The following CDCA2 variants were observed in gnomAD, a reference collection of about 807,000 sequenced individuals.
The protein encoded by CDCA2 is cell division cycle-associated protein 2.
In CDCA2, 44 loss-of-function variants were observed where a neutral mutation model predicts 67.0. That is an observed-to-expected ratio of 0.66 (90% CI 0.52 to 0.84). CDCA2 has a LOEUF of 0.84. Among genes scored for constraint, CDCA2 ranks in the 40% least tolerant of loss-of-function variants. CDCA2 has a pLI of 0.00. For missense variants in CDCA2, 1,253 were observed against 1,203.2 expected, an observed-to-expected ratio of 1.04 and a Z score of -0.61; for synonymous variants, 447 against 418.7, an observed-to-expected ratio of 1.07 and a Z score of -0.82.
intron 13 of CDCA2, among the ~76,000 whole-genome samples, chr8:25,490,538 C>T (rs553952625): frequency 2.6e-5 from 4 of 152,110 alleles, no homozygotes; most frequent in South Asian, 4.2e-4. Context: ...AGCTGGGAGC[C>T]GGCCTGTTCA....
chr8:25,507,578 C>G lies in CDCA2; in HGVS notation c.2912C>G (p.Pro971Arg). Residue 971 changes from proline to arginine, a missense_variant, in exon 15 of 15, where the codon CCT becomes CGT. Transcript: ENST00000330560. ...CCTGCTGCTGGTTCTTCCGATGAAC[C>G]TGGTAAGAGGAGGAAGAGCTTTTGT... The part of the protein sequence containing the change: ...QGPAAGSSDE[P>R]GKRRKSFCIS... The G allele has an allele frequency of 6.2e-7, 1 of 1,614,162 alleles. No homozygotes were observed. Among genetic ancestry groups the G allele is most frequent in the Non-Finnish European group, 8.5e-7 (1 of 1,180,034 alleles).
At chr8:25,504,526 C>T (rs1387825919) in intron 14 of CDCA2, among the ~76,000 whole-genome samples, 2 of 152,100 alleles carry the variant, frequency 1.3e-5, no homozygotes, top group Non-Finnish European at 2.9e-5. Flanking sequence ...TTATAGCCTA[C>T]CTCCTATTTG....
At chr8:25,488,475 A>G (rs1290076954) in intron 12 of CDCA2, 77 bp from the exon 13 acceptor site, 17 of 1,357,130 alleles carry the variant, frequency 1.3e-5, no homozygotes, top group Non-Finnish European at 1.6e-5. Context: ...CCTGGGAAGC[A>G]CAACAAGAGT....
At chr8:25,466,436 A>G (rs1160625747) in intron 5 of CDCA2, 111 bp downstream of exon 5, 1 of 948,156 alleles carries the variant, frequency 1.1e-6, no homozygotes, top group Admixed American at 3.9e-5. Flanking sequence ...AGGTATATTT[A>G]TAAAGTGAGA....
rs956787756 is a variant in CDCA2 at position 25,505,461 on chromosome 8, A to G, written c.1844-1049A>G. 2.6e-5 allele frequency among the ~76,000 whole-genome samples: 4 copies of G among 152,320 alleles called. No homozygotes were observed. In the South Asian group the frequency reaches 6.2e-4, roughly 24 times the overall value. On this transcript the variant is annotated intron_variant, in intron 14 of 14. Coordinates refer to ENST00000330560, the MANE Select transcript of CDCA2 (RefSeq NM_152562.4). ...GGTAATCCACCTGCCTCGGCCTCCC[A>G]AAGTGCTGGGATTACAGGCGTGAGC...
chr8:25,472,915 T>C (rs983980556), intron 7 of CDCA2, among the ~76,000 whole-genome samples: 13 of 152,332 alleles, frequency 8.5e-5, no homozygotes, highest in African/African-American at 2.9e-4. Flanking sequence ...TACACTAATA[T>C]TGACTATAGA....
At chr8:25,485,719 C>A in intron 10 of CDCA2, 40 bp from the exon 11 acceptor site, 2 of 1,198,274 alleles carry the variant, frequency 1.7e-6, no homozygotes, top group Non-Finnish European at 2.4e-6. Flanking sequence ...GTATTCACTG[C>A]ATTTAAAGAT....
At chr8:25,459,710 G>A (rs1406969157) in intron 1 of CDCA2, among the ~76,000 whole-genome samples, 1 of 152,116 alleles carries the variant, frequency 6.6e-6, no homozygotes, top group Non-Finnish European at 1.5e-5. Context: ...TATCCTTTGG[G>A]GTCTGCTTTG....
intron 4 of CDCA2, among the ~76,000 whole-genome samples, chr8:25,463,414 T>A (rs750213575): frequency 4.6e-5 from 7 of 152,328 alleles, no homozygotes; most frequent in African/African-American, 1.7e-4. Context: ...CATAAAACAA[T>A]GCATTGCTCA....
At position 25,460,426 on chromosome 8, in the gene CDCA2, C is replaced by T. The variant is rs776188176; in HGVS notation, c.104C>T (p.Pro35Leu). 2 of 1,614,134 alleles carry T rather than the reference C, an allele frequency of 1.2e-6. No homozygotes were observed. Among genetic ancestry groups the T allele is most frequent in the South Asian group, 1.1e-5 (1 of 91,080 alleles). Residue 35 changes from proline to leucine, a missense_variant, in exon 3 of 15, where the codon CCT becomes CTT. By Grantham distance (98) the Pro-to-Leu change is moderately conservative. Transcript: ENST00000330560. Reference sequence around the variant, plus strand: ...TTGGGAACTGGGAAGATTGTGACTCCTCAGAAGCATGCCGAATTACCTCCT... The same window carrying T: ...TTGGGAACTGGGAAGATTGTGACTCTTCAGAAGCATGCCGAATTACCTCCT... ...FILGTGKIVTPQKHAELPPNP... is the reference protein window; with the variant it reads ...FILGTGKIVTLQKHAELPPNP...
At chr8:25,503,566 A>G (rs781597982) in intron 14 of CDCA2, 22 bp downstream of exon 14, 15 of 1,572,936 alleles carry the variant, frequency 9.5e-6, no homozygotes, top group Non-Finnish European at 1.3e-5. Flanking sequence ...TTTTCCTGGT[A>G]GTTATATTTT....
chr8:25,462,268 T>G, intron 4 of CDCA2, 60 bp downstream of exon 4: 1 of 1,533,540 alleles, frequency 6.5e-7, no homozygotes, highest in Non-Finnish European at 9.0e-7. Flanking sequence ...GTGCTTTCTT[T>G]ACACCTTCTA....
intron 13 of CDCA2, among the ~76,000 whole-genome samples, chr8:25,498,877 T>TA (rs1252196013): frequency 1.3e-5 from 2 of 152,210 alleles, no homozygotes; most frequent in Non-Finnish European, 2.9e-5. Flanking sequence ...TCCAGGTTGT[T>TA]ATGTGTATCA....
chr8:25,466,342 C>T lies in CDCA2; in HGVS notation c.538+17C>T, dbSNP rs574866421. On this transcript the variant is annotated intron_variant, in intron 5 of 14. Coordinates refer to ENST00000330560, the MANE Select transcript of CDCA2 (RefSeq NM_152562.4). ...CAGACTTGAGTGAGTAGAAATAATT[C>T]GTTCAGTTTTGACTTCAATATTTAT... 2.7e-5 allele frequency: 42 copies of T among 1,564,824 alleles called. No individual in the cohort carries two copies. In the Admixed American group the frequency reaches 5.2e-4, roughly 19 times the overall value.
At chr8:25,489,233 C>T (rs1803906793) in intron 13 of CDCA2, among the ~76,000 whole-genome samples, 1 of 152,138 alleles carries the variant, frequency 6.6e-6, no homozygotes, top group African/African-American at 2.4e-5. Flanking sequence ...CTCCACACTC[C>T]AAAGCCACCT....
rs748106764 is a variant in CDCA2, at chr8:25,488,671, A to C, written c.1653A>C (p.Ala551=). Residue 551 remains alanine, a synonymous_variant, in exon 13 of 15, where the codon GCA becomes GCC. Transcript: ENST00000330560. ...KSQETKCTKR[A]LPKKSQVLKS... Reference sequence around the variant, plus strand: ...AAGAAACAAAGTGTACAAAGAGAGCACTTCCTAAGAAGAGTCAGGTAAGCA... The same window carrying C: ...AAGAAACAAAGTGTACAAAGAGAGCCCTTCCTAAGAAGAGTCAGGTAAGCA... The C allele has an allele frequency of 8.0e-5, 128 of 1,608,570 alleles. No individual in the cohort carries two copies. The highest frequency in any genetic ancestry group is 1.0e-4 in the Non-Finnish European group (118 of 1,178,264).
chr8:25,472,588 T>G (rs1161082652), intron 7 of CDCA2, among the ~76,000 whole-genome samples: 1 of 152,168 alleles, frequency 6.6e-6, no homozygotes, highest in African/African-American at 2.4e-5. Context: ...CACACCTTAT[T>G]TTTCTCTTAA....
At chr8:25,461,196 G>T (rs1024892804) in intron 3 of CDCA2, among the ~76,000 whole-genome samples, 4 of 150,448 alleles carry the variant, frequency 2.7e-5, no homozygotes, top group Non-Finnish European at 5.9e-5. Flanking sequence ...GAACCTGGGA[G>T]GCAGAGGTTA....
chr8:25,488,577 GTGTT>G lies in CDCA2; in HGVS notation c.1562_1565del (p.Val521AlafsTer4), dbSNP rs777256406. 13 of 1,611,556 alleles carry G rather than the reference GTGTT, an allele frequency of 8.1e-6. No individual in the cohort carries two copies. In the Admixed American group the frequency reaches 2.0e-4, roughly 25 times the overall value. On this transcript the variant is annotated frameshift_variant, in exon 13 of 15. Transcript: ENST00000330560. LOFTEE classifies it high-confidence loss of function. ...CAATTGGTCAGTGTTGTAGAAGAGA[GTGTT>G]TGCAACTTATTGAATACAGAAGTTC...
Sources: allele counts gnomAD v4.1 joint callset (sites outside exome capture counted in the v4.1 genomes callset), GRCh38; gene constraint gnomAD v4.1.1; transcripts MANE v1.5; gene names NCBI Gene and HGNC (gene_info 2026-07-23, HGNC 2026-07-21).